Variants in MAX observed in about 807,000 individuals in gnomAD.
MAX encodes the protein protein max.
MAX carries 3 observed loss-of-function variants against 22.3 expected under a neutral mutation model. That is an observed-to-expected ratio of 0.13 (90% confidence interval 0.06 to 0.35). MAX has a LOEUF of 0.35. Among genes scored for constraint, MAX ranks in the 10% least tolerant of loss-of-function variants. The pLI is 1.00. For missense variants in MAX, 119 were observed against 209.4 expected (o/e 0.57, Z 2.66); for synonymous variants, 72 against 77.7 (o/e 0.93, Z 0.39).
intron 3 of MAX, among the ~76,000 whole-genome samples, chr14:65,015,125 C>T (rs2061745878): frequency 1.4e-5 from 2 of 147,890 alleles, no homozygotes; most frequent in South Asian, 2.2e-4. Flanking sequence ...TTTTTTGAGA[C>T]GGAGTCTTGC....
intron 3 of MAX, chr14:65,022,115 C>T (rs1403037892): frequency 6.6e-5 from 30 of 454,960 alleles, no homozygotes; most frequent in Non-Finnish European, 1.1e-4. Flanking sequence ...TCATATTCTA[C>T]CTAGGGAAGG....
chr14:65,098,613 A>G (rs2063735827), intron 2 of MAX, among the ~76,000 whole-genome samples: 1 of 152,356 alleles, frequency 6.6e-6, no homozygotes, highest in African/African-American at 2.4e-5. Context: ...CTTGCAATAT[A>G]ATATACCTGT....
At chr14:65,066,000 A>G (rs1212803305) in intron 3 of MAX, among the ~76,000 whole-genome samples, 2 of 152,146 alleles carry the variant, frequency 1.3e-5, no homozygotes, top group African/African-American at 4.8e-5. Flanking sequence ...TCCAAAGCCC[A>G]TGCCCTTCCA....
In MAX at chr14:65,054,288, T is replaced by G. The variant is rs962439475; in HGVS notation, c.171+39420A>C. Among the ~76,000 whole-genome samples, 1 of 152,036 alleles carries G rather than the reference T, an allele frequency of 6.6e-6. No individual in the cohort carries two copies. The highest frequency in any genetic ancestry group is 1.5e-5 in the Non-Finnish European group (1 of 68,018). On this transcript the variant is annotated intron_variant, in intron 3 of 3. Transcript: ENST00000341653. This position sits in a 1 kb window ranked among gnomAD's most constrained non-coding sequence, Gnocchi z 4.4. Reference sequence around the variant, plus strand: ...CCACCACACCTAGCTAATTTTTAATTTTTTGTAGAGACGGGGTCTCCCATG... The same window carrying G: ...CCACCACACCTAGCTAATTTTTAATGTTTTGTAGAGACGGGGTCTCCCATG...
At chr14:65,040,720 T>C in intron 3 of MAX, 1 of 1,481,040 alleles carries the variant, frequency 6.8e-7, no homozygotes, top group Non-Finnish European at 9.1e-7. Context: ...CTCTGCCACC[T>C]AGGATGGTCC....
intron 3 of MAX, among the ~76,000 whole-genome samples, chr14:65,065,004 A>G (rs894766492): frequency 3.9e-5 from 6 of 152,232 alleles, no homozygotes; most frequent in African/African-American, 1.4e-4. Flanking sequence ...TTGCCCCAGT[A>G]ATTTGTTCAG....
chr14:65,033,229 TGAAAA>T (rs1446759155), intron 3 of MAX, among the ~76,000 whole-genome samples: 1 of 151,950 alleles, frequency 6.6e-6, no homozygotes, highest in African/African-American at 2.4e-5. Flanking sequence ...GTTGAAAGAA[TGAAAA>T]GAAAAAAATA....
intron 3 of MAX, among the ~76,000 whole-genome samples, chr14:65,033,506 G>A (rs1439379850): frequency 3.3e-5 from 5 of 152,190 alleles, no homozygotes; most frequent in Admixed American, 1.3e-4. Flanking sequence ...TCTTAGATAC[G>A]TGTATGTTCT....
intron 3 of MAX, among the ~76,000 whole-genome samples, chr14:65,086,434 A>G (rs1433541429): frequency 6.6e-6 from 1 of 152,232 alleles, no homozygotes; most frequent in Non-Finnish European, 1.5e-5. Context: ...CTTTGCCCAA[A>G]ATGCTGATAA....
intron 3 of MAX, chr14:65,015,441 T>G (rs1595024318): frequency 6.4e-6 from 2 of 312,702 alleles, no homozygotes; most frequent in Non-Finnish European, 1.2e-5. Context: ...TTTTAACAGA[T>G]GGTCATTTCA....
intron 3 of MAX, among the ~76,000 whole-genome samples, chr14:65,024,057 G>A (rs1453915756): frequency 4.0e-5 from 6 of 150,476 alleles, no homozygotes; most frequent in African/African-American, 1.2e-4. Context: ...AGCTGAGATC[G>A]CTCAACTGCA....
intron 3 of MAX, among the ~76,000 whole-genome samples, chr14:65,067,624 T>A (rs1467661523): frequency 6.8e-6 from 1 of 148,138 alleles, no homozygotes; most frequent in Admixed American, 6.6e-5. Context: ...GATGGGTTTA[T>A]GTTTTTTTTT....
At chr14:65,043,853 A>G (rs1467275620) in intron 3 of MAX, among the ~76,000 whole-genome samples, 2 of 143,418 alleles carry the variant, frequency 1.4e-5, no homozygotes, top group Non-Finnish European at 3.0e-5. Context: ...AAAAAAAAAA[A>G]AAAAAAAGAA....
intron 3 of MAX, among the ~76,000 whole-genome samples, chr14:65,055,915 A>G (rs1344573565): frequency 6.6e-6 from 1 of 152,158 alleles, no homozygotes; most frequent in African/African-American, 2.4e-5. Context: ...CTTAATCAGA[A>G]AAACCACCAC....
rs927082952 is a variant in MAX at position 65,029,067 on chromosome 14, T to C, written c.172-22783A>G. 2.6e-5 allele frequency among the ~76,000 whole-genome samples: 4 copies of C among 152,204 alleles called. No homozygotes were observed. Among genetic ancestry groups the C allele is most frequent in the Non-Finnish European group, 5.9e-5 (4 of 68,026 alleles). The stretch of plus-strand genomic sequence containing the variant: ...ATGTTCTAGATAAATGCTAGGAAAC[T>C]TCTCCAGTAAGGCAGCTTGGTTCCC... On this transcript the variant is annotated intron_variant, in intron 3 of 3. Coordinates refer to the MAX transcript ENST00000341653. This position sits in a 1 kb window ranked among gnomAD's most constrained non-coding sequence, Gnocchi z 4.7.
chr14:65,068,172 C>A (rs911446605), intron 3 of MAX, among the ~76,000 whole-genome samples: 2 of 152,090 alleles, frequency 1.3e-5, no homozygotes, highest in African/African-American at 4.8e-5. Context: ...AGGTGGCTCA[C>A]GCCTGTAATC....
Position 65,078,810 on chromosome 14 carries a change from G to A in MAX, c.172-774C>T, listed in dbSNP as rs1051100393. Among the ~76,000 whole-genome samples the A allele has an allele frequency of 7.2e-5, 11 of 152,188 alleles. No individual in the cohort carries two copies. The highest frequency in any genetic ancestry group is 7.2e-4 in the Admixed American group (11 of 15,276). On this transcript the variant is annotated intron_variant, in intron 3 of 4. Coordinates refer to ENST00000358664, the MANE Select transcript of MAX (RefSeq NM_002382.5). The surrounding 1 kb of genome is among the most constrained non-coding windows in gnomAD (Gnocchi z 6.4). ...CTCCCAAACTGCTGGGATTACAGGC[G>A]TGAGCCACTGCATCCGTGAAGGCCT...
intron 3 of MAX, among the ~76,000 whole-genome samples, chr14:65,067,019 T>TAAAAAA (rs35809647): frequency 7.3e-6 from 1 of 137,780 alleles, no homozygotes; most frequent in African/African-American, 2.7e-5. Context: ...CTACAAAAAT[T>TAAAAAA]AAAAAAAAAA....
rs1377543472 is a variant in MAX, at chr14:65,088,382, G to C, written c.171+5326C>G. The stretch of plus-strand genomic sequence containing the variant: ...TGCATTTACAATTGCTGAGCCTGGA[G>C]CCTAAGGGAGACTTGGGCAACTATG... On this transcript the variant is annotated intron_variant, in intron 3 of 4. Coordinates refer to ENST00000358664, the MANE Select transcript of MAX (RefSeq NM_002382.5). This position sits in a 1 kb window ranked among gnomAD's most constrained non-coding sequence, Gnocchi z 5.2. Among the ~76,000 whole-genome samples the C allele has an allele frequency of 6.6e-6, 1 of 152,196 alleles. No individual in the cohort carries two copies. The highest frequency in any genetic ancestry group is 2.4e-5 in the African/African-American group (1 of 41,426).
Sources: gnomAD v4.1 joint callset for allele counts (sites outside exome capture counted in the v4.1 genomes callset) on GRCh38, gnomAD v4.1.1 for gene constraint, Gnocchi (gnomAD v3.1) non-coding constraint, MANE v1.5 for transcripts, NCBI Gene and HGNC (gene_info 2026-07-23, HGNC 2026-07-21) for gene names.